MACF1: variants seen among roughly 807,000 people sequenced by gnomAD.
The protein encoded by MACF1 is microtubule actin crosslinking factor 1, also known as microtubule-actin cross-linking factor 1.
In MACF1, 193 loss-of-function variants were observed where a neutral mutation model predicts 854.8. The observed-to-expected ratio is 0.23, with a 90% CI of 0.20 to 0.25. The LOEUF is 0.25. MACF1 is among the 10% of genes least tolerant of loss of function. The pLI, the probability that MACF1 is intolerant of heterozygous loss-of-function variation, is 1.00. For missense variants in MACF1, 7,722 were observed against 8,929.1 expected, an observed-to-expected ratio of 0.86 and a Z score of 5.45; for synonymous variants, 3,185 against 3,226.7, an observed-to-expected ratio of 0.99 and a Z score of 0.44.
chr1:39,430,040 A>G lies in MACF1; in HGVS notation c.17102A>G (p.Gln5701Arg). The G allele has an allele frequency of 6.2e-7, 1 of 1,613,918 alleles. No individual in the cohort carries two copies. Among genetic ancestry groups the G allele is most frequent in the Non-Finnish European group, 8.5e-7 (1 of 1,179,862 alleles). The change falls in exon 65 of 101, where the codon CAG becomes CGG. Residue 5701 changes from glutamine to arginine, a missense_variant. Physicochemically the swap from Gln to Arg is conservative, Grantham distance 43. Transcript: ENST00000564288. Reference sequence around the variant, plus strand: ...GGAGGACAGTCTCCCACAGGGGAACAGATACCCCAGTTTCAGCAGAGACAG... The same window carrying G: ...GGAGGACAGTCTCCCACAGGGGAACGGATACCCCAGTTTCAGCAGAGACAG... Reference protein sequence around the residue: ...TSGGQSPTGEQIPQFQQRQKE... With the variant: ...TSGGQSPTGERIPQFQQRQKE...
rs775562084 is a variant in MACF1 at position 39,370,131 on chromosome 1, C to G, written c.13040C>G (p.Pro4347Arg). The G allele has an allele frequency of 4.3e-6, 7 of 1,613,994 alleles. No individual in the cohort carries two copies. Among genetic ancestry groups the G allele is most frequent in the South Asian group, 1.1e-5 (1 of 91,058 alleles). The change falls in exon 51 of 101, where the codon CCT (proline) becomes CGT (arginine). Residue 4347 changes from proline to arginine, a missense_variant. Physicochemically the swap from Pro to Arg is moderately radical, Grantham distance 103. Coordinates refer to ENST00000564288, the MANE Select transcript of MACF1 (RefSeq NM_001394062.1). Reference protein sequence around the residue: ...WLKETEGSIPPTETSMSAKEL... With the variant: ...WLKETEGSIPRTETSMSAKEL... ...AAAGAAACTGAAGGGAGTATTCCAC[C>G]TACGGAAACTTCTATGAGTGCTAAA...
chr1:39,199,252 T>C (rs1204957483), intron 2 of MACF1, among the ~76,000 whole-genome samples: 1 of 152,004 alleles, frequency 6.6e-6, no homozygotes, highest in African/African-American at 2.4e-5. Flanking sequence ...CCCAAAGTGC[T>C]GGGATTACAG....
intron 6 of MACF1, among the ~76,000 whole-genome samples, chr1:39,261,932 T>C (rs766641737): frequency 6.6e-6 from 1 of 152,232 alleles, no homozygotes; most frequent in Non-Finnish European, 1.5e-5. Flanking sequence ...ATGTATGTGG[T>C]TTCCTGTGTC....
chr1:39,381,356 CTTTTTTTTTTTT>C (rs869060742), intron 55 of MACF1, among the ~76,000 whole-genome samples: 1 of 36,796 alleles, frequency 2.7e-5, no homozygotes, highest in Non-Finnish European at 5.4e-5. Flanking sequence ...CATGCCTGGC[CTTTTTTTTTTTT>C]TTTTTTTTTT....
At chr1:39,276,249 C>CT (rs1023866119) in intron 6 of MACF1, among the ~76,000 whole-genome samples, 204 of 152,142 alleles carry the variant, frequency 1.3e-3, no homozygotes, top group African/African-American at 4.7e-3. Flanking sequence ...TTTTCAAGGT[C>CT]TGATGCTTTA....
chr1:39,337,562 A>ATTTTTTTTTTT (rs35312351), intron 38 of MACF1, among the ~76,000 whole-genome samples: 7 of 100,156 alleles, frequency 7.0e-5, no homozygotes, highest in Admixed American at 1.3e-4. Context: ...AATTACTACC[A>ATTTTTTTTTTT]TTTTTTTTTT....
At chr1:39,248,788 T>C (rs1645009933) in intron 2 of MACF1, among the ~76,000 whole-genome samples, 1 of 152,086 alleles carries the variant, frequency 6.6e-6, no homozygotes, top group Non-Finnish European at 1.5e-5. Flanking sequence ...AGTATGGTGG[T>C]GTGATCATAG....
chr1:39,345,508 G>A (rs1374895657), intron 40 of MACF1, among the ~76,000 whole-genome samples: 1 of 152,184 alleles, frequency 6.6e-6, no homozygotes. Flanking sequence ...CTACTTGGAA[G>A]GCTGAGGTGA....
intron 58 of MACF1, chr1:39,412,613 C>G (rs764478188): frequency 3.1e-6 from 5 of 1,613,962 alleles, no homozygotes; most frequent in African/African-American, 1.3e-5. Context: ...GTGAATGATA[C>G]AAAGCCTGAG....
At chr1:39,398,779 A>G (rs1231271399) in intron 58 of MACF1, among the ~76,000 whole-genome samples, 7 of 152,184 alleles carry the variant, frequency 4.6e-5, no homozygotes, top group Non-Finnish European at 1.0e-4. Flanking sequence ...AATTTTCTCT[A>G]TGCCTGACCA....
Position 39,099,916 on chromosome 1 carries a change from T to TA in MACF1, c.220+15484dup, listed in dbSNP as rs987002721. On this transcript the variant is annotated intron_variant, in intron 2 of 93. Coordinates refer to the MACF1 transcript ENST00000361689. ...CCAACATAGTGAGACCCTGTCTCTATAAAAAATTTTTTTAAAAAGCTGGGC... is the reference window on the plus strand; with the variant it reads ...CCAACATAGTGAGACCCTGTCTCTATAAAAAAATTTTTTTAAAAAGCTGGGC... 4.6e-5 allele frequency among the ~76,000 whole-genome samples: 7 copies of TA among 152,268 alleles called. No individual in the cohort carries two copies. The South Asian group carries it at 1.0e-3, about 23-fold the overall frequency.
intron 2 of MACF1, among the ~76,000 whole-genome samples, chr1:39,248,968 A>G (rs1645011900): frequency 6.6e-6 from 1 of 151,912 alleles, no homozygotes; most frequent in African/African-American, 2.4e-5. Flanking sequence ...GCTTATCTCA[A>G]ACTCCTAGGG....
chr1:39,452,009 G>C, intron 85 of MACF1, 147 bp from the exon 86 acceptor site: 1 of 662,766 alleles, frequency 1.5e-6, no homozygotes, highest in Non-Finnish European at 2.5e-6. Flanking sequence ...CGCCCGGCCT[G>C]GTTGTTTTTT....
At chr1:39,290,630 A>C (rs1213490419) in intron 15 of MACF1, among the ~76,000 whole-genome samples, 11 of 132,978 alleles carry the variant, frequency 8.3e-5, no homozygotes, top group Non-Finnish European at 1.4e-4. Context: ...TCATTGACAG[A>C]GGAGTTTATT....
intron 98 of MACF1, 107 bp downstream of exon 98, chr1:39,480,116 T>TAAGCCTCTGAAAGACTCCAGTGAGGAGAA: frequency 1.0e-6 from 1 of 955,556 alleles, no homozygotes. Context: ...GAAATAAAAA[T>TAAGCCTCTGAAAGACTCCAGTGAGGAGAA]GAAAACATGT....
At chr1:39,446,571 A>G (rs995433678) in intron 80 of MACF1, among the ~76,000 whole-genome samples, 2 of 152,082 alleles carry the variant, frequency 1.3e-5, no homozygotes, top group Non-Finnish European at 1.5e-5. Flanking sequence ...CAACCCAGTC[A>G]GGTAGAATTA....
intron 80 of MACF1, 31 bp from the exon 81 acceptor site, chr1:39,447,401 T>G (rs1644252596): frequency 1.2e-6 from 2 of 1,606,400 alleles, no homozygotes; most frequent in Non-Finnish European, 1.7e-6. Context: ...GCTTTTTCTT[T>G]CTGTGTGTGT....
At chr1:39,094,129 T>G (rs1003027076) in intron 2 of MACF1, among the ~76,000 whole-genome samples, 2 of 152,048 alleles carry the variant, frequency 1.3e-5, no homozygotes, top group African/African-American at 4.8e-5. Flanking sequence ...TTTTTTTACC[T>G]GTGCTTCTGA....
chr1:39,296,819 G>GAAGGAAGGAAAAGAAAGAAAGA (rs1557571567), intron 20 of MACF1, among the ~76,000 whole-genome samples: 2 of 103,696 alleles, frequency 1.9e-5, no homozygotes, highest in Non-Finnish European at 3.8e-5. Context: ...AGAAAGGAAG[G>GAAGGAAGGAAAAGAAAGAAAGA]AAGGAAGGAA....
Sources: allele counts gnomAD v4.1 joint callset (sites outside exome capture counted in the v4.1 genomes callset), GRCh38; gene constraint gnomAD v4.1.1; transcripts MANE v1.5; gene names NCBI Gene and HGNC (gene_info 2026-07-23, HGNC 2026-07-21).